The following DFFB variants were observed in gnomAD, a reference collection of about 807,000 sequenced individuals.
DFFB encodes the protein DNA fragmentation factor subunit beta, also known as DNA fragmentation factor 40 kDa subunit.
DFFB carries 29 observed loss-of-function variants against 32.7 expected under a neutral mutation model. The ratio of observed to expected loss-of-function variants is 0.89; its 90% CI spans 0.66 to 1.21. The LOEUF (loss-of-function observed/expected upper bound fraction) is 1.21, where lower values mean the gene tolerates loss of function less well. DFFB is among the 50% of genes most tolerant of loss of function. The pLI is 0.00. For synonymous variants in DFFB, 170 were observed against 177.1 expected (o/e 0.96, Z 0.32); for missense variants, 398 against 440.6 (o/e 0.90, Z 0.87).
chr1:3,875,251 G>A (rs72848484), intron 6 of DFFB, among the ~76,000 whole-genome samples: 3 of 152,164 alleles, frequency 2.0e-5, no homozygotes, highest in Admixed American at 6.5e-5. Flanking sequence ...GTCTGGTTCC[G>A]TGCTATTTAA....
In DFFB at chr1:3,865,855, A is replaced by G. The variant is rs1216872792; in HGVS notation, c.285A>G (p.Pro95=). The part of the protein sequence containing the change: ...IRRFLSAFHE[P]QVGLIQAAQQ... ...GCTTCCTCAGTGCATTTCACGAGCCACAGGTGGGGCTCATCCAGGCCGCCC... is the reference window on the plus strand; with the variant it reads ...GCTTCCTCAGTGCATTTCACGAGCCGCAGGTGGGGCTCATCCAGGCCGCCC... Residue 95 remains proline (P), a synonymous_variant, in exon 3 of 7, where the codon CCA becomes CCG. Transcript: ENST00000378209. This position sits in a 1 kb window ranked among gnomAD's most constrained non-coding sequence, Gnocchi z 4.7. 4 of 1,614,026 alleles carry G rather than the reference A, an allele frequency of 2.5e-6. No individual in the cohort carries two copies. The highest frequency in any genetic ancestry group is 3.4e-6 in the Non-Finnish European group (4 of 1,180,030).
chr1:3,878,025 C>T (rs1645259358), intron 6 of DFFB, among the ~76,000 whole-genome samples: 1 of 152,204 alleles, frequency 6.6e-6, no homozygotes, highest in African/African-American at 2.4e-5. Flanking sequence ...GCTTGAACCT[C>T]CTGCTGCAGG....
At chr1:3,858,955 T>G (rs1210739507) in intron 2 of DFFB, 111 bp downstream of exon 2, 1 of 1,459,756 alleles carries the variant, frequency 6.9e-7, no homozygotes, top group African/African-American at 1.4e-5. Context: ...TACTGTGAAC[T>G]CTCGGGTCTC....
chr1:3,874,495 G>A (rs1239479586), intron 6 of DFFB, among the ~76,000 whole-genome samples: 1 of 37,612 alleles, frequency 2.7e-5, no homozygotes, highest in Non-Finnish European at 5.0e-5. Flanking sequence ...GGTGGCCCAC[G>A]CTGTGGTCTG....
Position 3,865,785 on chromosome 1 carries a change from A to G in DFFB, c.242-27A>G, listed in dbSNP as rs1644966570. The G allele has an allele frequency of 6.2e-7, 1 of 1,613,544 alleles. No homozygotes were observed. The highest frequency in any genetic ancestry group is 1.7e-5 in the Admixed American group (1 of 59,956). On this transcript the variant is annotated intron_variant, in intron 2 of 6. Coordinates refer to ENST00000378209, the MANE Select transcript of DFFB (RefSeq NM_004402.4). The surrounding 1 kb of genome is among the most constrained non-coding windows in gnomAD (Gnocchi z 4.7). ...AGGATGTGTCTTCTGCTGGACCGGC[A>G]CCTTTTGTTTGTCCCATTGGTGGCA...
intron 2 of DFFB, chr1:3,860,633 C>T (rs904624897): frequency 1.0e-4 from 23 of 230,008 alleles, no homozygotes; most frequent in African/African-American, 3.9e-4. Context: ...CAGATACAAC[C>T]GTGGTACAAT....
rs151051391 is a variant in DFFB at position 3,872,327 on chromosome 1, C to T, written c.682-145C>T. ...ACTCGGGAGGCTGAGGCAGGAGAATCGCTTCAACACGGGAGGCGGAGGTTG... is the reference window on the plus strand; with the variant it reads ...ACTCGGGAGGCTGAGGCAGGAGAATTGCTTCAACACGGGAGGCGGAGGTTG... On this transcript the variant is annotated intron_variant, in intron 5 of 6. Coordinates refer to ENST00000378209, the MANE Select transcript of DFFB (RefSeq NM_004402.4). 9,462 of 600,840 alleles carry T rather than the reference C, an allele frequency of 0.016. 595 individuals carry two copies. In the East Asian group the frequency reaches 0.16, roughly 10 times the overall value. 37.2% of individuals were successfully genotyped at this position (600,840 alleles called of 1,614,324 possible).
intron 6 of DFFB, 59 bp downstream of exon 6, chr1:3,872,631 T>TGGCCCTGTCCCTGCCGC (rs1557721286): frequency 5.7e-5 from 79 of 1,397,892 alleles, no homozygotes; most frequent in Middle Eastern, 3.6e-4. Context: ...GTCCCTGCCG[T>TGGCCCTGTCCCTGCCGC]GGCCCTGTCC....
chr1:3,868,177 T>A, intron 4 of DFFB, 124 bp downstream of exon 4: 1 of 874,926 alleles, frequency 1.1e-6, no homozygotes, highest in Non-Finnish European at 1.9e-6. Context: ...TGCGTGGATC[T>A]GGTGGGGCTG....
At chr1:3,860,604 T>A (rs1644862491) in intron 2 of DFFB, 1 of 244,234 alleles carries the variant, frequency 4.1e-6, no homozygotes, top group African/African-American at 2.3e-5. Flanking sequence ...ACCTCTACCC[T>A]TTCCCTCAAA....
chr1:3,877,792 G>A (rs566786068), intron 6 of DFFB, among the ~76,000 whole-genome samples: 1 of 152,220 alleles, frequency 6.6e-6, no homozygotes, highest in African/African-American at 2.4e-5. Flanking sequence ...ACTGGTCAGC[G>A]TTTGTAGATG....
intron 4 of DFFB, among the ~76,000 whole-genome samples, chr1:3,868,678 C>CACCA (rs1557716277): frequency 4.0e-3 from 46 of 11,594 alleles, no homozygotes; most frequent in Admixed American, 0.011. Context: ...CACCACACCA[C>CACCA]GCCACACCAC....
At chr1:3,867,821 C>G (rs1645014295) in intron 3 of DFFB, 153 bp from the exon 4 acceptor site, 1 of 711,036 alleles carries the variant, frequency 1.4e-6, no homozygotes, top group Non-Finnish European at 2.5e-6. Flanking sequence ...CCACTGTACT[C>G]CAGCCTGGAG....
chr1:3,862,769 G>A (rs966621641), intron 2 of DFFB, among the ~76,000 whole-genome samples: 10 of 152,140 alleles, frequency 6.6e-5, no homozygotes, highest in African/African-American at 1.9e-4. Flanking sequence ...AGTCCTCATC[G>A]CCTTGGATTT....
chr1:3,861,508 A>G (rs1644880303), intron 2 of DFFB, among the ~76,000 whole-genome samples: 2 of 152,126 alleles, frequency 1.3e-5, no homozygotes, highest in Non-Finnish European at 2.9e-5. Context: ...AGCTCACTCT[A>G]GCTTTCACTT....
chr1:3,857,569 G>A lies in DFFB; in HGVS notation c.-35G>A, dbSNP rs757188024. Reference sequence around the variant, plus strand: ...GAGCAGCTGGGCAGCAGGTGCCACCGCCTGTGGGACCCAGAGGGCTTGAGG... The same window carrying A: ...GAGCAGCTGGGCAGCAGGTGCCACCACCTGTGGGACCCAGAGGGCTTGAGG... On this transcript the variant is annotated 5_prime_UTR_variant, in exon 1 of 7. Transcript: ENST00000378209. 2.2e-5 allele frequency: 32 copies of A among 1,467,290 alleles called. No homozygotes were observed. In the East Asian group the frequency reaches 6.8e-4, roughly 31 times the overall value. The allele number at this position is 1,467,290 out of a possible 1,614,324, so 90.9% of individuals were successfully genotyped here.
intron 5 of DFFB, among the ~76,000 whole-genome samples, 172 bp from the exon 6 acceptor site, chr1:3,872,299 GC>G (rs548278205): frequency 2.3e-3 from 347 of 152,202 alleles, no homozygotes; most frequent in Middle Eastern, 3.4e-3. Flanking sequence ...TGTAGTCCCA[GC>G]TACTCGGGAG....
chr1:3,871,252 G>C lies in DFFB; in HGVS notation c.682-1220G>C, dbSNP rs147327000. Among the ~76,000 whole-genome samples, 372 of 152,234 alleles carry C rather than the reference G, an allele frequency of 2.4e-3. 1 individual carries two copies. The highest frequency in any genetic ancestry group is 0.021 in the Middle Eastern group (6 of 292). Reference sequence around the variant, plus strand: ...CAGAACATATTGTTAGGGGTAATGAGGGAAAAAGAAGGATCTGATTCCAAA... The same window carrying C: ...CAGAACATATTGTTAGGGGTAATGACGGAAAAAGAAGGATCTGATTCCAAA... On this transcript the variant is annotated intron_variant, in intron 5 of 6. Coordinates refer to ENST00000378209, the MANE Select transcript of DFFB (RefSeq NM_004402.4).
In DFFB at chr1:3,884,430, G is replaced by C. The variant is rs927603161; in HGVS notation, c.*689G>C. The C allele has an allele frequency of 4.6e-5, 7 of 152,592 alleles. No homozygotes were observed. Among genetic ancestry groups the C allele is most frequent in the South Asian group, 2.1e-4 (1 of 4,832 alleles). 9.5% of individuals were successfully genotyped at this position (152,592 alleles called of 1,614,324 possible). Reference sequence around the variant, plus strand: ...TGAGGGACAAGTTGTTTATGTATCAGCTCTCTGCTGGGTCTCCCTTTCCAT... The same window carrying C: ...TGAGGGACAAGTTGTTTATGTATCACCTCTCTGCTGGGTCTCCCTTTCCAT... On this transcript the variant is annotated 3_prime_UTR_variant, in exon 7 of 7. Coordinates refer to ENST00000378209, the MANE Select transcript of DFFB (RefSeq NM_004402.4).
Sources: gnomAD v4.1 joint callset for allele counts (sites outside exome capture counted in the v4.1 genomes callset) on GRCh38, gnomAD v4.1.1 for gene constraint, Gnocchi (gnomAD v3.1) non-coding constraint, MANE v1.5 for transcripts, NCBI Gene and HGNC (gene_info 2026-07-23, HGNC 2026-07-21) for gene names.